The following NPAS3 variants were observed in gnomAD, a reference collection of about 807,000 sequenced individuals.
NPAS3 encodes neuronal PAS domain protein 3.
In NPAS3, 14 loss-of-function variants were observed where a neutral mutation model predicts 73.1. The observed-to-expected ratio is 0.19, with a 90% CI of 0.13 to 0.30. The LOEUF (loss-of-function observed/expected upper bound fraction) is 0.30. Among genes scored for constraint, NPAS3 ranks in the 10% least tolerant of loss-of-function variants. The pLI is 1.00. For missense variants in NPAS3, 1,096 were observed against 1,250.0 expected (o/e 0.88, Z 1.86); for synonymous variants, 620 against 541.5 (o/e 1.14, Z -2.01).
intron 3 of NPAS3, among the ~76,000 whole-genome samples, chr14:33,267,004 G>A (rs2040849296): frequency 6.6e-6 from 1 of 152,158 alleles, no homozygotes; most frequent in Admixed American, 6.5e-5. Flanking sequence ...AATTGTTTGG[G>A]ATGGGTAATT....
chr14:33,743,239 A>C (rs966323993), intron 7 of NPAS3, among the ~76,000 whole-genome samples: 1 of 152,196 alleles, frequency 6.6e-6, no homozygotes, highest in Non-Finnish European at 1.5e-5. Flanking sequence ...GTTTCTAAGT[A>C]ATAAGACTTG....
intron 2 of NPAS3, among the ~76,000 whole-genome samples, chr14:33,078,532 C>CAAAAAAAAAAAA (rs200285065): frequency 1.6e-5 from 1 of 63,344 alleles, no homozygotes; most frequent in African/African-American, 4.3e-5. Context: ...AAAACAAAAC[C>CAAAAAAAAAAAA]AAAAAAAAAA....
intron 4 of NPAS3, among the ~76,000 whole-genome samples, chr14:33,401,704 T>C (rs2047452419): frequency 6.6e-6 from 1 of 152,142 alleles, no homozygotes; most frequent in Non-Finnish European, 1.5e-5. Flanking sequence ...ATCTATTCAT[T>C]TTATTACCAT....
At chr14:33,490,184 G>C (rs1369974227) in intron 4 of NPAS3, among the ~76,000 whole-genome samples, 1 of 151,940 alleles carries the variant, frequency 6.6e-6, no homozygotes, top group Non-Finnish European at 1.5e-5. Flanking sequence ...TCGTTTCATG[G>C]GCAGGTAAAC....
chr14:32,966,316 G>A (rs1475824899), intron 1 of NPAS3, among the ~76,000 whole-genome samples: 8 of 152,168 alleles, frequency 5.3e-5, no homozygotes, highest in Admixed American at 5.2e-4. Flanking sequence ...CAAAAGAGTA[G>A]TAACCAAACA....
intron 5 of NPAS3, among the ~76,000 whole-genome samples, chr14:33,670,313 C>G (rs543589541): frequency 6.6e-6 from 1 of 152,280 alleles, no homozygotes; most frequent in East Asian, 1.9e-4. Flanking sequence ...TCTCATCATT[C>G]TGATATAGAA....
chr14:33,607,674 T>C (rs148342209), intron 5 of NPAS3, among the ~76,000 whole-genome samples: 8 of 152,316 alleles, frequency 5.3e-5, no homozygotes, highest in Admixed American at 1.3e-4. Context: ...CTTTGTCAGT[T>C]GTACCTCTAA....
intron 7 of NPAS3, among the ~76,000 whole-genome samples, chr14:33,752,374 A>G (rs1386130419): frequency 6.6e-6 from 1 of 152,188 alleles, no homozygotes; most frequent in Non-Finnish European, 1.5e-5. Flanking sequence ...AAGCCATGCA[A>G]GAGCCATTTA....
At chr14:33,159,127 A>T (rs891988172) in intron 2 of NPAS3, among the ~76,000 whole-genome samples, 3 of 152,160 alleles carry the variant, frequency 2.0e-5, no homozygotes, top group Non-Finnish European at 2.9e-5. Flanking sequence ...ACACCACTGC[A>T]CTCCAGCCTG....
chr14:33,740,345 C>G (rs2061625424), intron 7 of NPAS3, among the ~76,000 whole-genome samples: 1 of 152,168 alleles, frequency 6.6e-6, no homozygotes, highest in Admixed American at 6.6e-5. Context: ...ATTTCAAAAG[C>G]CTTCTTTCCA....
intron 2 of NPAS3, among the ~76,000 whole-genome samples, chr14:33,127,235 C>T (rs1441639104): frequency 6.6e-6 from 1 of 152,066 alleles, no homozygotes; most frequent in Non-Finnish European, 1.5e-5. Context: ...TGATATTCAG[C>T]CACCAAGCTT....
At chr14:33,193,845 G>A (rs2139524358) in intron 2 of NPAS3, among the ~76,000 whole-genome samples, 1 of 152,200 alleles carries the variant, frequency 6.6e-6, no homozygotes, top group Non-Finnish European at 1.5e-5. Flanking sequence ...TACTTATTTG[G>A]TCATCATCAC....
At chr14:33,772,476 C>T (rs1287932628) in intron 7 of NPAS3, among the ~76,000 whole-genome samples, 1 of 152,194 alleles carries the variant, frequency 6.6e-6, no homozygotes. Flanking sequence ...TGTTTTCCAA[C>T]CCAGACGCCT....
intron 6 of NPAS3, among the ~76,000 whole-genome samples, chr14:33,716,607 C>G (rs990036723): frequency 2.0e-5 from 3 of 152,180 alleles, no homozygotes; most frequent in Admixed American, 2.0e-4. Flanking sequence ...ACCCTGTACC[C>G]ATTAAACAGT....
At chr14:33,759,300 T>A (rs935001433) in intron 7 of NPAS3, among the ~76,000 whole-genome samples, 2 of 152,236 alleles carry the variant, frequency 1.3e-5, no homozygotes, top group Admixed American at 6.5e-5. Flanking sequence ...GCAGAAGTGT[T>A]TTTGAAAGGG....
intron 3 of NPAS3, among the ~76,000 whole-genome samples, chr14:33,265,950 G>A (rs1309274099): frequency 2.0e-5 from 3 of 151,158 alleles, no homozygotes; most frequent in South Asian, 2.1e-4. Flanking sequence ...GGTATATATT[G>A]TATACTTACA....
chr14:33,492,608 A>G (rs907735128), intron 4 of NPAS3, among the ~76,000 whole-genome samples: 1 of 152,192 alleles, frequency 6.6e-6, no homozygotes, highest in Non-Finnish European at 1.5e-5. Flanking sequence ...TTAGAATGTA[A>G]TATGTAAATA....
At chr14:33,095,151 G>C (rs978080234) in intron 2 of NPAS3, among the ~76,000 whole-genome samples, 1 of 151,872 alleles carries the variant, frequency 6.6e-6, no homozygotes, top group Non-Finnish European at 1.5e-5. Context: ...CAGTCCTCGA[G>C]TTTTAAATCA....
intron 4 of NPAS3, among the ~76,000 whole-genome samples, chr14:33,508,589 G>A (rs576438479): frequency 6.6e-6 from 1 of 151,992 alleles, no homozygotes; most frequent in Non-Finnish European, 1.5e-5. Flanking sequence ...CACACACAGG[G>A]CTCACACAAA....
Sources: allele counts gnomAD v4.1 joint callset (sites outside exome capture counted in the v4.1 genomes callset), GRCh38; gene constraint gnomAD v4.1.1; transcripts MANE v1.5; gene names NCBI Gene and HGNC (gene_info 2026-07-23, HGNC 2026-07-21).